GRM8: variants seen among roughly 807,000 people sequenced by gnomAD.
GRM8 encodes the protein glutamate metabotropic receptor 8.
Under a neutral mutation model 87.2 loss-of-function variants are expected in GRM8, and 47 were observed. The observed-to-expected ratio is 0.54, with a 90% CI of 0.43 to 0.69. The LOEUF (loss-of-function observed/expected upper bound fraction) is 0.69, where lower values mean the gene tolerates loss of function less well. Among genes scored for constraint, GRM8 ranks in the 30% least tolerant of loss-of-function variants. The pLI, the probability that GRM8 is intolerant of heterozygous loss-of-function variation, is 0.00. For missense variants in GRM8, 1,019 were observed against 1,139.2 expected, an observed-to-expected ratio of 0.89 and a Z score of 1.52; for synonymous variants, 396 against 404.5, an observed-to-expected ratio of 0.98 and a Z score of 0.25.
intron 3 of GRM8, among the ~76,000 whole-genome samples, chr7:127,054,852 A>G (rs576157453): frequency 6.6e-6 from 1 of 152,334 alleles, no homozygotes; most frequent in African/African-American, 2.4e-5. Flanking sequence ...AAAATTTAAC[A>G]GAGATAATCA....
Position 126,501,531 on chromosome 7 carries a change from A to G in GRM8, c.2430+31421T>C, listed in dbSNP as rs115487136. On this transcript the variant is annotated intron_variant, in intron 9 of 10. Transcript: ENST00000339582. ...AGTGAAGAAGAAAGAGGAAAAGACA[A>G]TAGAAGAAAAGGGAGAAGGCTGACA... Among the ~76,000 whole-genome samples, 1,489 of 152,144 alleles carry G rather than the reference A, an allele frequency of 9.8e-3. 21 individuals carry two copies. Among genetic ancestry groups the G allele is most frequent in the African/African-American group, 0.034 (1,398 of 41,550 alleles).
intron 7 of GRM8, among the ~76,000 whole-genome samples, chr7:126,753,765 G>A (rs1310260759): frequency 6.6e-6 from 1 of 151,704 alleles, no homozygotes; most frequent in East Asian, 1.9e-4. Context: ...TCAAACATGG[G>A]ATAGGGAAAA....
chr7:126,723,171 C>T (rs1020392781), intron 7 of GRM8, among the ~76,000 whole-genome samples: 1 of 151,656 alleles, frequency 6.6e-6, no homozygotes, highest in Non-Finnish European at 1.5e-5. Flanking sequence ...CTTTCTCTGC[C>T]TCTTCATCTA....
intron 6 of GRM8, among the ~76,000 whole-genome samples, chr7:126,787,377 T>C (rs139334133): frequency 3.3e-5 from 5 of 152,312 alleles, no homozygotes; most frequent in Non-Finnish European, 5.9e-5. Context: ...CTAAATCCTA[T>C]AGTGTTACTT....
chr7:127,158,761 T>G (rs1298150018), intron 2 of GRM8, among the ~76,000 whole-genome samples: 1 of 152,016 alleles, frequency 6.6e-6, no homozygotes. Context: ...ACATGTGAAT[T>G]CGTAGGGGGA....
At chr7:126,591,436 T>C (rs1796656781) in intron 8 of GRM8, among the ~76,000 whole-genome samples, 1 of 152,034 alleles carries the variant, frequency 6.6e-6, no homozygotes, top group Non-Finnish European at 1.5e-5. Flanking sequence ...AGTGGGGGAC[T>C]TCAATACTCC....
intron 2 of GRM8, among the ~76,000 whole-genome samples, chr7:127,233,769 G>A (rs547224899): frequency 6.6e-6 from 1 of 152,288 alleles, no homozygotes; most frequent in South Asian, 2.1e-4. Flanking sequence ...CCAACATTGA[G>A]AACACATGTC....
chr7:127,013,455 G>A (rs1429742008), intron 3 of GRM8, among the ~76,000 whole-genome samples: 1 of 149,068 alleles, frequency 6.7e-6, no homozygotes, highest in Non-Finnish European at 1.5e-5. Flanking sequence ...GCAGGTGCCT[G>A]TGGACCACAT....
At chr7:126,758,743 G>T (rs1040997398) in intron 7 of GRM8, among the ~76,000 whole-genome samples, 1 of 152,018 alleles carries the variant, frequency 6.6e-6, no homozygotes, top group African/African-American at 2.4e-5. Context: ...AGCTTAGCTA[G>T]AGACAAGGTG....
At chr7:127,025,775 A>C (rs1481833813) in intron 3 of GRM8, among the ~76,000 whole-genome samples, 1 of 152,094 alleles carries the variant, frequency 6.6e-6, no homozygotes, top group African/African-American at 2.4e-5. Context: ...ATTCTGAAAA[A>C]TAGAGGAGCT....
intron 9 of GRM8, among the ~76,000 whole-genome samples, chr7:126,462,498 A>G (rs1440038100): frequency 6.6e-6 from 1 of 151,628 alleles, no homozygotes; most frequent in Non-Finnish European, 1.5e-5. Context: ...ATCACATGTA[A>G]TATTATATGT....
chr7:126,479,674 A>G (rs982379419), intron 9 of GRM8, among the ~76,000 whole-genome samples: 4 of 152,104 alleles, frequency 2.6e-5, no homozygotes, highest in African/African-American at 9.7e-5. Flanking sequence ...AAATAATGGT[A>G]CTATGAACAT....
intron 8 of GRM8, among the ~76,000 whole-genome samples, chr7:126,568,141 C>A (rs1794399839): frequency 6.6e-6 from 1 of 151,996 alleles, no homozygotes; most frequent in South Asian, 2.1e-4. Context: ...GTGAGGGGCT[C>A]AAAGTTGGAA....
Position 127,242,936 on chromosome 7 carries a change from G to A in GRM8, c.269C>T (p.Pro90Leu), listed in dbSNP as rs199857118. ...CAGAGTGATGTTGGAAAGGAGATCAGGGTCCTTGTTAATCTGGTCAATTGC... is the reference window on the plus strand; with the variant it reads ...CAGAGTGATGTTGGAAAGGAGATCAAGGTCCTTGTTAATCTGGTCAATTGC... ...LYAIDQINKD[P>L]DLLSNITLGV... The change falls in exon 2 of 11, where the codon CCT becomes CTT. Residue 90 changes from proline to leucine, a missense_variant. Transcript: ENST00000339582. The A allele has an allele frequency of 5.6e-6, 9 of 1,614,074 alleles. No homozygotes were observed. The African/African-American group carries it at 1.2e-4, about 22-fold the overall frequency.
intron 3 of GRM8, among the ~76,000 whole-genome samples, chr7:127,071,499 G>A (rs2132680262): frequency 6.6e-6 from 1 of 152,256 alleles, no homozygotes; most frequent in South Asian, 2.1e-4. Context: ...ATTAATGTAA[G>A]ACCACTTAGA....
chr7:127,155,659 C>T (rs928883679), intron 2 of GRM8, among the ~76,000 whole-genome samples: 1 of 152,116 alleles, frequency 6.6e-6, no homozygotes, highest in South Asian at 2.1e-4. Flanking sequence ...AACTAAATAG[C>T]AAGTTCGGTT....
intron 9 of GRM8, among the ~76,000 whole-genome samples, chr7:126,455,818 A>C (rs1261630068): frequency 2.0e-5 from 3 of 151,768 alleles, no homozygotes; most frequent in East Asian, 3.9e-4. Flanking sequence ...ACAATACAGC[A>C]GGCAGGCGAA....
rs569068835 is a variant in GRM8, at chr7:127,181,729, A to C, written c.510+60966T>G. 2.6e-4 allele frequency among the ~76,000 whole-genome samples: 40 copies of C among 152,252 alleles called. No individual in the cohort carries two copies. In the South Asian group the frequency reaches 2.9e-3, roughly 11 times the overall value. On this transcript the variant is annotated intron_variant, in intron 2 of 10. Transcript: ENST00000339582. ...CAACTGATCTTCAACAAAGTAAACAAAAACATCAAGTGGGAAAGGACACCC... is the reference window on the plus strand; with the variant it reads ...CAACTGATCTTCAACAAAGTAAACACAAACATCAAGTGGGAAAGGACACCC...
chr7:127,015,126 A>G (rs1815422381), intron 3 of GRM8, among the ~76,000 whole-genome samples: 1 of 141,284 alleles, frequency 7.1e-6, no homozygotes, highest in African/African-American at 2.6e-5. Context: ...GAGAAGAAGG[A>G]GAAGGAGAAG....
Sources: gnomAD v4.1 joint callset for allele counts (sites outside exome capture counted in the v4.1 genomes callset) on GRCh38, gnomAD v4.1.1 for gene constraint, MANE v1.5 for transcripts, NCBI Gene and HGNC (gene_info 2026-07-23, HGNC 2026-07-21) for gene names.